TAC3: variants seen among roughly 807,000 people sequenced by gnomAD.
The protein encoded by TAC3 is tachykinin-3.
In TAC3, 9 loss-of-function variants were observed where a neutral mutation model predicts 16.5. The ratio of observed to expected loss-of-function variants is 0.55; its 90% CI spans 0.33 to 0.95. The LOEUF is 0.95. TAC3 is among the 40% of genes least tolerant of loss of function. The pLI, the probability that TAC3 is intolerant of heterozygous loss-of-function variation, is 0.03. For synonymous variants in TAC3, 52 were observed against 56.7 expected (o/e 0.92, Z 0.37); for missense variants, 129 against 149.1 (o/e 0.87, Z 0.70).
At chr12:57,015,856 C>T in intron 1 of TAC3, 54 bp from the exon 2 acceptor site, 3 of 1,479,464 alleles carry the variant, frequency 2.0e-6, no homozygotes, top group Non-Finnish European at 2.8e-6. Flanking sequence ...GAAGATACAG[C>T]ATGGGTGAAG....
intron 6 of TAC3, among the ~76,000 whole-genome samples, chr12:57,011,834 A>G (rs767606949): frequency 6.8e-6 from 1 of 147,260 alleles, no homozygotes; most frequent in Non-Finnish European, 1.5e-5. Flanking sequence ...TCATTATGCT[A>G]AAGAGAGATT....
At chr12:57,011,703 T>C (rs1453432721) in intron 6 of TAC3, among the ~76,000 whole-genome samples, 1 of 152,236 alleles carries the variant, frequency 6.6e-6, no homozygotes, top group South Asian at 2.1e-4. Flanking sequence ...CCCTGTGAGA[T>C]ACTATTATCA....
At position 57,015,812 on chromosome 12, in the gene TAC3, C is replaced by T. The variant is rs1235735145; in HGVS notation, c.-5-10G>A. On this transcript the variant is annotated splice_polypyrimidine_tract_variant and intron_variant, in intron 1 of 6. Coordinates refer to ENST00000458521, the MANE Select transcript of TAC3 (RefSeq NM_013251.4). ...ATGATCCTCATGGTGCCTGGGAGAG[C>T]AAAGGGACAGGACTCAGGTAAAGGA... The T allele has an allele frequency of 6.2e-7, 1 of 1,608,846 alleles. No individual in the cohort carries two copies. Among genetic ancestry groups the T allele is most frequent in the Non-Finnish European group, 8.5e-7 (1 of 1,175,444 alleles).
chr12:57,010,289 C>A lies in TAC3; in HGVS notation c.*2-1G>T, dbSNP rs939016030. ...AGTCCAGGAGTCCGGAAGTGGAGTA[C>A]TGAGGACAAAAAACAAAACAAAACA... On this transcript the variant is annotated splice_acceptor_variant, in intron 6 of 6. Coordinates refer to ENST00000458521, the MANE Select transcript of TAC3 (RefSeq NM_013251.4). LOFTEE classifies it low-confidence loss of function (3UTR_SPLICE). 1.2e-4 allele frequency: 50 copies of A among 418,480 alleles called. No individual in the cohort carries two copies. Among genetic ancestry groups the A allele is most frequent in the Non-Finnish European group, 2.1e-4 (45 of 210,216 alleles). The allele number at this position is 418,480 out of a possible 1,614,324, so 25.9% of individuals were successfully genotyped here. A position where few individuals can be genotyped will look rare whatever the true frequency, so the allele number is the denominator to read the frequency against.
rs370872842 is a variant in TAC3 at position 57,012,813 on chromosome 12, C to A, written c.292+9G>T. 3 of 1,614,088 alleles carry A rather than the reference C, an allele frequency of 1.9e-6. No homozygotes were observed. The highest frequency in any genetic ancestry group is 2.7e-5 in the African/African-American group (2 of 74,926). On this transcript the variant is annotated intron_variant, in intron 5 of 6. Coordinates refer to ENST00000458521, the MANE Select transcript of TAC3 (RefSeq NM_013251.4). The stretch of plus-strand genomic sequence containing the variant: ...TAAGCCCTTCCACTGTACCTCCACA[C>A]ACTCCTACCTGGCTGGACGCTCCTC...
intron 1 of TAC3, 46 bp downstream of exon 1, chr12:57,016,341 C>A: frequency 2.5e-6 from 1 of 406,124 alleles, no homozygotes; most frequent in Non-Finnish European, 5.1e-6. Context: ...GGCTCCTGTC[C>A]CCTGGTGCCA....
Position 57,010,273 on chromosome 12 carries a change from G to A in TAC3, c.*17C>T, listed in dbSNP as rs1408792345. 1 of 448,980 alleles carries A rather than the reference G, an allele frequency of 2.2e-6. No homozygotes were observed. The highest frequency in any genetic ancestry group is 7.0e-5 in the East Asian group (1 of 14,310). 27.8% of individuals were successfully genotyped at this position (448,980 alleles called of 1,614,324 possible). On this transcript the variant is annotated 3_prime_UTR_variant, in exon 7 of 7. Transcript: ENST00000458521. Reference sequence around the variant, plus strand: ...GAGGTCTTCCTAATGCAGTCCAGGAGTCCGGAAGTGGAGTACTGAGGACAA... The same window carrying A: ...GAGGTCTTCCTAATGCAGTCCAGGAATCCGGAAGTGGAGTACTGAGGACAA...
chr12:57,014,496 C>G (rs1230256990), intron 2 of TAC3, among the ~76,000 whole-genome samples: 1 of 152,208 alleles, frequency 6.6e-6, no homozygotes, highest in Non-Finnish European at 1.5e-5. Flanking sequence ...CTTCCTGCCC[C>G]AATTTCCCTC....
At chr12:57,014,294 T>C (rs1956343817) in intron 2 of TAC3, among the ~76,000 whole-genome samples, 1 of 152,090 alleles carries the variant, frequency 6.6e-6, no homozygotes, top group Admixed American at 6.5e-5. Context: ...AGCCAGTTAA[T>C]TGCAGCTGCA....
chr12:57,012,292 C>T (rs1187970634), intron 6 of TAC3, 86 bp downstream of exon 6: 1 of 1,256,844 alleles, frequency 8.0e-7, no homozygotes, highest in Non-Finnish European at 1.1e-6. Flanking sequence ...GCTTTAATAC[C>T]TGTAGCATGG....
In TAC3 at chr12:57,012,304, A is replaced by C. The variant is rs1235340949; in HGVS notation, c.*1+74T>G. ...TGAGCTTTAATACCTGTAGCATGGG[A>C]GGAAATGCACAGCTGGCAACCCCCA... On this transcript the variant is annotated intron_variant, in intron 6 of 6. Coordinates refer to ENST00000458521, the MANE Select transcript of TAC3 (RefSeq NM_013251.4). 5 of 1,340,536 alleles carry C rather than the reference A, an allele frequency of 3.7e-6. No individual in the cohort carries two copies. In the Admixed American group the frequency reaches 9.3e-5, roughly 25 times the overall value. The allele number at this position is 1,340,536 out of a possible 1,614,324, so 83.0% of individuals were successfully genotyped here.
intron 2 of TAC3, among the ~76,000 whole-genome samples, chr12:57,014,737 T>C (rs1956349597): frequency 6.6e-6 from 1 of 151,892 alleles, no homozygotes. Context: ...GCCTTTTGGA[T>C]ATGGCACAAC....
intron 1 of TAC3, 90 bp from the exon 2 acceptor site, chr12:57,015,892 G>A: frequency 8.6e-7 from 1 of 1,163,134 alleles, no homozygotes; most frequent in South Asian, 1.3e-5. Flanking sequence ...ATTACCAGCA[G>A]CTTGGCTTGA....
At chr12:57,011,453 C>T (rs986415243) in intron 6 of TAC3, among the ~76,000 whole-genome samples, 1 of 152,158 alleles carries the variant, frequency 6.6e-6, no homozygotes, top group Non-Finnish European at 1.5e-5. Flanking sequence ...AAGACAGTGT[C>T]AAGGCGGAAG....
At position 57,015,736 on chromosome 12, in the gene TAC3, G is replaced by T. The variant is rs1254512108; in HGVS notation, c.62C>A (p.Ala21Asp). Residue 21 changes from alanine to aspartate, a missense_variant, in exon 2 of 7, where the codon GCT (alanine) becomes GAT (aspartate). Physicochemically the swap from Ala to Asp is moderately radical, Grantham distance 126. Transcript: ENST00000458521. ...LAFSLAQSFGAVCKEPQEEVV... is the reference protein window; with the variant it reads ...LAFSLAQSFGDVCKEPQEEVV... The stretch of plus-strand genomic sequence containing the variant: ...CTCCTCCTGTGGCTCCTTACAGACA[G>T]CCCCAAAGCTCTGAGCTAGGCTGAA... 2.5e-5 allele frequency: 40 copies of T among 1,614,142 alleles called. No homozygotes were observed. The highest frequency in any genetic ancestry group is 3.3e-5 in the Non-Finnish European group (39 of 1,180,010).
chr12:57,012,570 G>A (rs1956315443), intron 5 of TAC3, 118 bp from the exon 6 acceptor site: 10 of 1,596,330 alleles, frequency 6.3e-6, no homozygotes, highest in Non-Finnish European at 8.6e-6. Flanking sequence ...TTGGGAGACT[G>A]GGGTGGAAGC....
rs143862988 is a variant in TAC3 at position 57,012,866 on chromosome 12, T to C, written c.248A>G (p.His83Arg). ...GCCCATAAGTCCCACAAAGAAGTCATGCATGTCACCTGCAGAAAAGGGCCA... is the reference window on the plus strand; with the variant it reads ...GCCCATAAGTCCCACAAAGAAGTCACGCATGTCACCTGCAGAAAAGGGCCA... ...ESTSPEKRDM[H>R]DFFVGLMGKR... The change falls in exon 5 of 7, where the codon CAT becomes CGT. Residue 83 changes from histidine to arginine, a missense_variant. Coordinates refer to ENST00000458521, the MANE Select transcript of TAC3 (RefSeq NM_013251.4). 3.3e-4 allele frequency: 526 copies of C among 1,614,160 alleles called. 1 individual carries two copies. The highest frequency in any genetic ancestry group is 4.3e-4 in the Admixed American group (26 of 60,024).
At chr12:57,014,527 A>T (rs898099290) in intron 2 of TAC3, among the ~76,000 whole-genome samples, 1 of 152,138 alleles carries the variant, frequency 6.6e-6, no homozygotes, top group Non-Finnish European at 1.5e-5. Context: ...ACTCTCAAGG[A>T]GAAGGGGTAG....
At chr12:57,014,091 C>G (rs917473687) in intron 2 of TAC3, among the ~76,000 whole-genome samples, 1 of 152,122 alleles carries the variant, frequency 6.6e-6, no homozygotes, top group African/African-American at 2.4e-5. Context: ...CTCTAGTTTT[C>G]TCTCCCTCTC....
Sources: gnomAD v4.1 joint callset for allele counts (sites outside exome capture counted in the v4.1 genomes callset) on GRCh38, gnomAD v4.1.1 for gene constraint, MANE v1.5 for transcripts, NCBI Gene and HGNC (gene_info 2026-07-23, HGNC 2026-07-21) for gene names.